PPOX: variants seen among roughly 807,000 people sequenced by gnomAD.
PPOX encodes variegate porphyria.
In PPOX, 23 loss-of-function variants were observed where a neutral mutation model predicts 54.1. The observed-to-expected ratio is 0.43, with a 90% CI of 0.31 to 0.60. PPOX has a LOEUF of 0.60. PPOX is among the 20% of genes least tolerant of loss of function. The pLI, the probability that PPOX is intolerant of heterozygous loss-of-function variation, is 0.13. For missense variants in PPOX, 512 were observed against 601.1 expected, an observed-to-expected ratio of 0.85 and a Z score of 1.55; for synonymous variants, 224 against 236.1, an observed-to-expected ratio of 0.95 and a Z score of 0.47.
downstream of PPOX, chr1:161,171,857 G>C (rs563551027): frequency 2.5e-6 from 4 of 1,614,208 alleles, no homozygotes; most frequent in Non-Finnish European, 1.7e-6. Context: ...GCAGTAGATA[G>C]AGGCCCAGGC....
chr1:161,166,039 G>C (rs567024105), upstream of PPOX: 1 of 962,222 alleles, frequency 1.0e-6, no homozygotes, highest in Non-Finnish European at 1.2e-6. Context: ...CCGTAGGCCC[G>C]GTCTGTTGCT....
At chr1:161,171,812 G>A (rs1661533361), downstream of PPOX, 1 of 1,613,778 alleles carries the variant, frequency 6.2e-7, no homozygotes, top group African/African-American at 1.3e-5. Context: ...ACAGGAAGGA[G>A]GAGTCAGTGT....
Position 161,167,175 on chromosome 1 carries a change from G to C in PPOX, c.163G>C (p.Glu55Gln). Residue 55 changes from glutamate (E) to glutamine (Q), a missense_variant, in exon 3 of 13, where the codon GAG (glutamate) becomes CAG (glutamine). Transcript: ENST00000367999. ...SVRGPNGAIF[E>Q]LGPRGIRPAG... ...TCGAGGCCCTAATGGTGCTATCTTT[G>C]AGCTTGGACCTCGGGGAATTAGGCC... 1 of 1,614,190 alleles carries C rather than the reference G, an allele frequency of 6.2e-7. No homozygotes were observed. The highest frequency in any genetic ancestry group is 8.5e-7 in the Non-Finnish European group (1 of 1,180,030).
At chr1:161,175,953 G>A, downstream of PPOX, 2 of 1,614,130 alleles carry the variant, frequency 1.2e-6, no homozygotes, top group Middle Eastern at 1.6e-4. Context: ...GGCCAAATAG[G>A]GCACTGAGAC....
chr1:161,167,449 G>C lies in PPOX; in HGVS notation c.301G>C (p.Val101Leu), dbSNP rs751604188. 6.2e-7 allele frequency: 1 copy of C among 1,612,780 alleles called. No individual in the cohort carries two copies. Among genetic ancestry groups the C allele is most frequent in the South Asian group, 1.1e-5 (1 of 91,014 alleles). The change falls in exon 4 of 13, where the codon GTG becomes CTG. Residue 101 changes from valine to leucine, a missense_variant. Coordinates refer to ENST00000367999, the MANE Select transcript of PPOX (RefSeq NM_001122764.3). ...AGCTGCCCAGAACAGGTTCCTCTAC[G>C]TGGGCGGTGCCCTGCATGCCCTACC... is the stretch of plus-strand genomic sequence containing the variant. ...HPAAQNRFLY[V>L]GGALHALPTG...
chr1:161,171,597 TCA>T (rs1305816822), downstream of PPOX: 19 of 637,744 alleles, frequency 3.0e-5, no homozygotes, highest in African/African-American at 1.8e-4. Context: ...CATCAAGGAT[TCA>T]CAGTCATAAG....
rs1165944867 is a variant in PPOX, at chr1:161,166,436, T to G, written c.-245T>G. The G allele has an allele frequency of 8.4e-7, 1 of 1,183,886 alleles. No individual in the cohort carries two copies. The highest frequency in any genetic ancestry group is 1.1e-6 in the Non-Finnish European group (1 of 943,816). The allele number at this position is 1,183,886 out of a possible 1,614,324, so 73.3% of individuals were successfully genotyped here. A position where few individuals can be genotyped will look rare whatever the true frequency, so the allele number is the denominator to read the frequency against. On this transcript the variant is annotated 5_prime_UTR_variant, in exon 1 of 13. Coordinates refer to ENST00000367999, the MANE Select transcript of PPOX (RefSeq NM_001122764.3). Reference sequence around the variant, plus strand: ...CCGCGAGAACAGAGTGGACGGAGCGTAGGAGAGACCGAAAAGGCTGGGGGT... The same window carrying G: ...CCGCGAGAACAGAGTGGACGGAGCGGAGGAGAGACCGAAAAGGCTGGGGGT...
chr1:161,177,011 C>G, exon 5 of PPOX: 1 of 1,536,048 alleles, frequency 6.5e-7, no homozygotes, highest in Non-Finnish European at 8.7e-7. Context: ...TGTAAGCGAA[C>G]AGCCCCGGAG....
At chr1:161,174,654 C>A (rs1336369385), downstream of PPOX, among the ~76,000 whole-genome samples, 5 of 152,256 alleles carry the variant, frequency 3.3e-5, no homozygotes, top group Admixed American at 2.6e-4. Flanking sequence ...ATGCTCTTTC[C>A]TCATGTTAGA....
chr1:161,170,989 C>T (rs1661177754), intron 12 of PPOX, 40 bp downstream of exon 12: 1 of 1,614,118 alleles, frequency 6.2e-7, no homozygotes, highest in South Asian at 1.1e-5. Flanking sequence ...GGGCCAAGGA[C>T]ATCAGACCCC....
chr1:161,171,727 A>G, downstream of PPOX: 1 of 1,518,684 alleles, frequency 6.6e-7, no homozygotes, highest in Non-Finnish European at 9.0e-7. Context: ...GTTCCCTCAC[A>G]TCCCTCTGAG....
chr1:161,172,294 T>C (rs774403075), downstream of PPOX: 31 of 1,613,850 alleles, frequency 1.9e-5, no homozygotes, highest in South Asian at 3.3e-4. Flanking sequence ...CCTACAGATG[T>C]GGGGGGCCGA....
At chr1:161,169,601 C>A in intron 7 of PPOX, 59 bp from the exon 8 acceptor site, 1 of 1,554,754 alleles carries the variant, frequency 6.4e-7, no homozygotes, top group Non-Finnish European at 8.9e-7. Flanking sequence ...CACCAGAAGT[C>A]TCTTTTCACT....
chr1:161,171,928 T>A, downstream of PPOX: 2 of 1,614,040 alleles, frequency 1.2e-6, no homozygotes, highest in Non-Finnish European at 1.7e-6. Flanking sequence ...ACCAGGTGGG[T>A]AACGTGGCCC....
At chr1:161,171,286 T>G (rs987294702), downstream of PPOX, 2 of 1,565,386 alleles carry the variant, frequency 1.3e-6, no homozygotes, top group Non-Finnish European at 1.7e-6. Flanking sequence ...AAAGTGTGCC[T>G]GGGATGCAGA....
At chr1:161,177,241 A>C, downstream of PPOX, 1 of 657,350 alleles carries the variant, frequency 1.5e-6, no homozygotes, top group Non-Finnish European at 2.6e-6. Flanking sequence ...ATCCTATCCC[A>C]GTCTCTTGCT....
downstream of PPOX, chr1:161,175,839 C>G (rs1394783814): frequency 6.2e-7 from 1 of 1,614,060 alleles, no homozygotes; most frequent in African/African-American, 1.3e-5. Context: ...GACAGTAGGG[C>G]AGACCTTGAG....
chr1:161,166,264 C>T (rs1448271688), upstream of PPOX: 2 of 998,930 alleles, frequency 2.0e-6, no homozygotes, highest in Non-Finnish European at 2.4e-6. Context: ...CCGCTCACTC[C>T]CAGCTCGGCG....
At chr1:161,168,933 G>A in intron 6 of PPOX, 60 bp from the exon 7 acceptor site, 2 of 1,599,180 alleles carry the variant, frequency 1.3e-6, no homozygotes, top group Non-Finnish European at 1.7e-6. Context: ...TAAAGTGCTG[G>A]GATTACAGGT....
Sources: gnomAD v4.1 joint callset for allele counts (sites outside exome capture counted in the v4.1 genomes callset) on GRCh38, gnomAD v4.1.1 for gene constraint, MANE v1.5 for transcripts, NCBI Gene and HGNC (gene_info 2026-07-23, HGNC 2026-07-21) for gene names.